The following CUEDC1 variants were observed in gnomAD, a reference collection of about 807,000 sequenced individuals.
CUEDC1 encodes the protein CUE domain containing 1, also known as CUE domain-containing protein 1.
CUEDC1 carries 30 observed loss-of-function variants against 43.7 expected under a neutral mutation model. The ratio of observed to expected loss-of-function variants is 0.69; its 90% confidence interval spans 0.51 to 0.93. CUEDC1 has a LOEUF of 0.93. Among genes scored for constraint, CUEDC1 ranks in the 40% least tolerant of loss-of-function variants. The pLI is 0.00. For synonymous variants in CUEDC1, 223 were observed against 223.6 expected, an observed-to-expected ratio of 1.00 and a Z score of 0.02; for missense variants, 486 against 549.0, an observed-to-expected ratio of 0.89 and a Z score of 1.15.
chr17:57,912,917 A>T (rs1473041739), intron 1 of CUEDC1, among the ~76,000 whole-genome samples: 1 of 152,128 alleles, frequency 6.6e-6, no homozygotes. Context: ...GTCATAGCTC[A>T]TCGTAGCCTC....
At chr17:57,949,297 T>C (rs1033174948) in intron 1 of CUEDC1, among the ~76,000 whole-genome samples, 7 of 152,282 alleles carry the variant, frequency 4.6e-5, no homozygotes, top group African/African-American at 1.7e-4. Context: ...AACATGTTTG[T>C]CTCCCTTACT....
chr17:57,866,652 T>C, intron 9 of CUEDC1, 108 bp from the exon 10 acceptor site: 1 of 1,087,522 alleles, frequency 9.2e-7, no homozygotes, highest in Non-Finnish European at 1.4e-6. Flanking sequence ...GCCCCCTTCA[T>C]TTGGGACCCA....
chr17:57,919,979 G>A lies in CUEDC1; in HGVS notation c.-315-34100C>T, dbSNP rs548532331. 3.3e-5 allele frequency among the ~76,000 whole-genome samples: 5 copies of A among 152,278 alleles called. No individual in the cohort carries two copies. The South Asian group carries it at 1.0e-3, about 32-fold the overall frequency. The stretch of plus-strand genomic sequence containing the variant: ...CTAACATTTATCGAGCGCTCACTAT[G>A]TGCCAGGCACTGGACTAAGTGCTTC... On this transcript the variant is annotated intron_variant, in intron 1 of 10. Transcript: ENST00000577830.
rs756560474 is a variant in CUEDC1, at chr17:57,866,533, G to A, written c.1105C>T (p.Arg369Trp). 38 of 1,613,888 alleles carry A rather than the reference G, an allele frequency of 2.4e-5. No homozygotes were observed. The highest frequency in any genetic ancestry group is 6.7e-5 in the Admixed American group (4 of 60,000). Reference sequence around the variant, plus strand: ...TTGGGTGCCTCCTGACGCCTGCCCCGGAAGTCTTCATCTGAAAAGGAGAGG... The same window carrying A: ...TTGGGTGCCTCCTGACGCCTGCCCCAGAAGTCTTCATCTGAAAAGGAGAGG... The part of the protein sequence containing the change: ...VEGHACDEDF[R>W]GRRQEAPKVE... Residue 369 changes from arginine (R) to tryptophan (W), a missense_variant, in exon 10 of 11, where the codon CGG (arginine) becomes TGG (tryptophan). Coordinates refer to ENST00000577830, the MANE Select transcript of CUEDC1 (RefSeq NM_001271875.2).
chr17:57,933,856 C>T (rs970970796), intron 1 of CUEDC1, among the ~76,000 whole-genome samples: 1 of 152,134 alleles, frequency 6.6e-6, no homozygotes, highest in Non-Finnish European at 1.5e-5. Context: ...TCTCCCTACA[C>T]CTCCTTCAAG....
chr17:57,870,308 CT>C (rs1308013000), intron 6 of CUEDC1, among the ~76,000 whole-genome samples: 1 of 152,258 alleles, frequency 6.6e-6, no homozygotes, highest in Non-Finnish European at 1.5e-5. Flanking sequence ...CCCCTCACCC[CT>C]ATCCAACCCT....
In CUEDC1 at chr17:57,904,768, G is replaced by A. The variant is rs112371555; in HGVS notation, c.-315-18889C>T. Among the ~76,000 whole-genome samples, 41 of 152,270 alleles carry A rather than the reference G, an allele frequency of 2.7e-4. 1 individual carries two copies. The highest frequency in any genetic ancestry group is 1.0e-3 in the South Asian group (5 of 4,826). On this transcript the variant is annotated intron_variant, in intron 1 of 10. Transcript: ENST00000577830. ...GCGTGGGGGGATCGCCCTACCGTAG[G>A]GGAGTGGGGGGGCCTCATTCCCACC...
intron 1 of CUEDC1, among the ~76,000 whole-genome samples, chr17:57,905,353 G>A (rs1321449457): frequency 6.6e-6 from 1 of 151,744 alleles, no homozygotes; most frequent in Non-Finnish European, 1.5e-5. Flanking sequence ...AGAGGGGAGG[G>A]GATGCCTGGC....
Position 57,920,962 on chromosome 17 carries a change from T to C in CUEDC1, c.-316+34263A>G, listed in dbSNP as rs895269753. ...GAAATGTTTAATAAACAGAGTATAG[T>C]TGTATATAGGTTATACAATTTAAAA... On this transcript the variant is annotated intron_variant, in intron 1 of 10. Coordinates refer to ENST00000577830, the MANE Select transcript of CUEDC1 (RefSeq NM_001271875.2). Among the ~76,000 whole-genome samples, 5 of 152,190 alleles carry C rather than the reference T, an allele frequency of 3.3e-5. 1 individual carries two copies. Among genetic ancestry groups the C allele is most frequent in the South Asian group, 4.1e-4 (2 of 4,836 alleles).
intron 3 of CUEDC1, among the ~76,000 whole-genome samples, chr17:57,877,266 C>G (rs8080477): frequency 0.021 from 3,181 of 152,290 alleles, 105 homozygotes; most frequent in African/African-American, 0.071. Context: ...CTGGCCCCCA[C>G]CCACAGCAGG....
intron 1 of CUEDC1, among the ~76,000 whole-genome samples, chr17:57,914,369 G>A (rs2074615947): frequency 2.6e-5 from 4 of 152,146 alleles, no homozygotes; most frequent in Admixed American, 2.6e-4. Flanking sequence ...GTTAAACCTT[G>A]GGGGGTCGGG....
rs144299032 is a variant in CUEDC1, at chr17:57,881,325, T to G, written c.337-1587A>C. On this transcript the variant is annotated intron_variant, in intron 2 of 10. Transcript: ENST00000577830. The stretch of plus-strand genomic sequence containing the variant: ...GGCCAAAAGTATTTAAACAGATGCT[T>G]TTGCAGGAAAGGAAGAATGTAGTGC... Among the ~76,000 whole-genome samples, 23 of 152,338 alleles carry G rather than the reference T, an allele frequency of 1.5e-4. No individual in the cohort carries two copies. In the East Asian group the frequency reaches 4.4e-3, roughly 29 times the overall value.
chr17:57,915,634 T>C (rs903123258), intron 1 of CUEDC1, among the ~76,000 whole-genome samples: 3 of 152,190 alleles, frequency 2.0e-5, no homozygotes. Flanking sequence ...CGCCTGGCCT[T>C]AGGGAGCCCT....
chr17:57,907,053 G>A (rs1458823699), intron 1 of CUEDC1, among the ~76,000 whole-genome samples: 1 of 151,896 alleles, frequency 6.6e-6, no homozygotes, highest in Non-Finnish European at 1.5e-5. Flanking sequence ...TTTAGAGAGA[G>A]GGCAGCCAGC....
chr17:57,866,024 T>C (rs367543645), intron 10 of CUEDC1, among the ~76,000 whole-genome samples: 5 of 152,162 alleles, frequency 3.3e-5, no homozygotes, highest in Non-Finnish European at 7.4e-5. Flanking sequence ...GGTTTCACCA[T>C]GTTGGCCAGG....
chr17:57,892,278 G>A (rs1490039882), intron 1 of CUEDC1, among the ~76,000 whole-genome samples: 2 of 152,232 alleles, frequency 1.3e-5, no homozygotes, highest in Non-Finnish European at 2.9e-5. Context: ...ACACAAGGCT[G>A]ATGGCAGGCT....
At chr17:57,863,982 C>A (rs1324861281) in intron 10 of CUEDC1, among the ~76,000 whole-genome samples, 1 of 119,350 alleles carries the variant, frequency 8.4e-6, no homozygotes, top group African/African-American at 3.3e-5. Flanking sequence ...GCCTGGGCAA[C>A]AGAGCGAGAC....
rs1410960445 is a variant in CUEDC1, at chr17:57,946,935, T to G, written c.-316+8290A>C. On this transcript the variant is annotated intron_variant, in intron 1 of 10. Transcript: ENST00000577830. ...ACAGGAGTTCCCTGTTCACACACCT[T>G]GCCATTGGCTGACACAGCCAATGGT... 3.3e-5 allele frequency among the ~76,000 whole-genome samples: 5 copies of G among 152,196 alleles called. No homozygotes were observed. In the East Asian group the frequency reaches 9.7e-4, roughly 29 times the overall value.
chr17:57,948,494 G>A (rs565585186), intron 1 of CUEDC1, among the ~76,000 whole-genome samples: 31 of 152,250 alleles, frequency 2.0e-4, no homozygotes, highest in African/African-American at 4.6e-4. Flanking sequence ...CAGTGTTATC[G>A]GGCATTCTTC....
Sources: allele counts gnomAD v4.1 joint callset (sites outside exome capture counted in the v4.1 genomes callset), GRCh38; gene constraint gnomAD v4.1.1; transcripts MANE v1.5; gene names NCBI Gene and HGNC (gene_info 2026-07-23, HGNC 2026-07-21).